The following ISG20 variants were observed in gnomAD, a reference collection of about 807,000 sequenced individuals.
ISG20 encodes the protein interferon-stimulated gene 20 kDa protein.
Under a neutral mutation model 11.1 loss-of-function variants are expected in ISG20, and 8 were observed. That is an observed-to-expected ratio of 0.72 (90% CI 0.42 to 1.30). ISG20 has a LOEUF of 1.30. Ranked by LOEUF, ISG20 falls within the 50% of genes most tolerant of loss-of-function variation. The pLI, the probability that ISG20 is intolerant of heterozygous loss-of-function variation, is 0.01. For missense variants in ISG20, 243 were observed against 250.2 expected (o/e 0.97, Z 0.19); for synonymous variants, 110 against 101.7 (o/e 1.08, Z -0.49).
intron 3 of ISG20, among the ~76,000 whole-genome samples, chr15:88,654,476 G>T (rs967243906): frequency 6.6e-5 from 10 of 152,206 alleles, no homozygotes; most frequent in African/African-American, 2.4e-4. Context: ...TGTGAGAACA[G>T]GAAGTCCTCT....
At chr15:88,644,049 T>G (rs2058126973) in intron 2 of ISG20, among the ~76,000 whole-genome samples, 1 of 152,154 alleles carries the variant, frequency 6.6e-6, no homozygotes, top group Non-Finnish European at 1.5e-5. Flanking sequence ...TACATCATCT[T>G]GGTTCTGGAA....
chr15:88,642,938 G>C (rs2058107270), intron 2 of ISG20, among the ~76,000 whole-genome samples: 1 of 149,510 alleles, frequency 6.7e-6, no homozygotes, highest in Non-Finnish European at 1.5e-5. Context: ...TTAAAAAAGA[G>C]ACAGGCCAGA....
At chr15:88,642,007 C>T (rs2058090348) in intron 2 of ISG20, among the ~76,000 whole-genome samples, 1 of 148,216 alleles carries the variant, frequency 6.7e-6, no homozygotes, top group South Asian at 2.1e-4. Flanking sequence ...GATCTCGGCT[C>T]ACTGCAATCT....
At chr15:88,645,517 C>T (rs755451976) in intron 2 of ISG20, among the ~76,000 whole-genome samples, 14 of 152,130 alleles carry the variant, frequency 9.2e-5, no homozygotes, top group Non-Finnish European at 1.8e-4. Context: ...CTCAGATCAT[C>T]GCCGCCTCCC....
At chr15:88,642,320 A>G (rs760603383) in intron 2 of ISG20, among the ~76,000 whole-genome samples, 9 of 152,300 alleles carry the variant, frequency 5.9e-5, no homozygotes, top group African/African-American at 1.9e-4. Context: ...AACTAATTCT[A>G]TCTGCAACGA....
At chr15:88,640,607 G>A (rs1263383490) in intron 2 of ISG20, among the ~76,000 whole-genome samples, 3 of 152,196 alleles carry the variant, frequency 2.0e-5, no homozygotes, top group African/African-American at 4.8e-5. Flanking sequence ...TAGCAACTTT[G>A]TTGGGTTATT....
chr15:88,639,478 C>G lies in ISG20; in HGVS notation c.112C>G (p.Leu38Val), dbSNP rs1188784352. The part of the protein sequence containing the change: ...CSLVNVHGAV[L>V]YDKFIRPEGE... ...CCTCGTGAACGTCCACGGTGCTGTG[C>G]TGTACGACAAGTTCATCCGGCCTGA... Residue 38 changes from leucine (L) to valine (V), a missense_variant, in exon 2 of 4, where the codon CTG (leucine) becomes GTG (valine). Physicochemically the swap from Leu to Val is conservative, Grantham distance 32. Coordinates refer to ENST00000306072, the MANE Select transcript of ISG20 (RefSeq NM_002201.6). This position sits in a 1 kb window ranked among gnomAD's most constrained non-coding sequence, Gnocchi z 4.2. The G allele has an allele frequency of 6.2e-7, 1 of 1,614,168 alleles. No homozygotes were observed. Among genetic ancestry groups the G allele is most frequent in the Non-Finnish European group, 8.5e-7 (1 of 1,180,016 alleles).
At chr15:88,651,052 C>T (rs747438186) in intron 2 of ISG20, 3 of 256,244 alleles carry the variant, frequency 1.2e-5, no homozygotes, top group African/African-American at 4.6e-5. Flanking sequence ...CGTGAGACAC[C>T]GTGCCTGGCT....
At chr15:88,654,893 C>T (rs902954515) in intron 3 of ISG20, among the ~76,000 whole-genome samples, 1 of 152,196 alleles carries the variant, frequency 6.6e-6, no homozygotes, top group Admixed American at 6.5e-5. Flanking sequence ...GCCCACCATC[C>T]GTCCCCACAC....
intron 2 of ISG20, among the ~76,000 whole-genome samples, chr15:88,644,558 A>G (rs1030817452): frequency 7.3e-5 from 11 of 151,606 alleles, no homozygotes; most frequent in East Asian, 1.9e-4. Flanking sequence ...GAAAAGACAA[A>G]AAAAAAAAGA....
chr15:88,652,339 CCCCCCTCCTCCCCCTCCT>C, intron 3 of ISG20, 29 bp downstream of exon 3: 2 of 1,333,086 alleles, frequency 1.5e-6, no homozygotes, highest in East Asian at 3.0e-5. Flanking sequence ...TTCTCCTCCT[CCCCCCTCCTCCCCCTCCT>C]CCCCCTCCTC....
intron 2 of ISG20, among the ~76,000 whole-genome samples, chr15:88,644,548 G>GA (rs2058137323): frequency 1.8e-5 from 2 of 109,640 alleles, no homozygotes; most frequent in African/African-American, 3.0e-5. Flanking sequence ...AAAAAAAAAA[G>GA]AAAAGACAAA....
intron 2 of ISG20, chr15:88,651,088 C>T (rs1280106342): frequency 1.6e-5 from 8 of 495,560 alleles, no homozygotes; most frequent in East Asian, 1.5e-4. Flanking sequence ...TATAGAATTG[C>T]GGTCCCAGAG....
Position 88,652,626 on chromosome 15 carries a change from G to T in ISG20, c.429+316G>T, listed in dbSNP as rs138078197. Among the ~76,000 whole-genome samples, 928 of 106,648 alleles carry T rather than the reference G, an allele frequency of 8.7e-3. 29 individuals carry two copies. The highest frequency in any genetic ancestry group is 0.033 in the African/African-American group (864 of 26,524). 70.0% of individuals were successfully genotyped at this position (106,648 alleles called of 152,430 possible). ...CCCTTCTTCCCCTTCCTCCTCCCCT[G>T]TCCCCTCCCTTTCCTCCTCCTCCCT... On this transcript the variant is annotated intron_variant, in intron 3 of 3. Transcript: ENST00000306072.
intron 3 of ISG20, among the ~76,000 whole-genome samples, chr15:88,653,440 TGCTGGCAAGA>T (rs1473993514): frequency 6.6e-6 from 1 of 152,066 alleles, no homozygotes; most frequent in Non-Finnish European, 1.5e-5. Flanking sequence ...GCCCCTAGCC[TGCTGGCAAGA>T]GCTGTAGGAA....
chr15:88,655,209 G>A (rs1379713746), intron 3 of ISG20, among the ~76,000 whole-genome samples: 1 of 152,242 alleles, frequency 6.6e-6, no homozygotes, highest in Non-Finnish European at 1.5e-5. Flanking sequence ...GCTGGCTTTC[G>A]TGCCACTGGC....
rs2141402162 is a variant in ISG20 at position 88,650,255 on chromosome 15, A to C, written c.229-1855A>C. On this transcript the variant is annotated intron_variant, in intron 2 of 3. Coordinates refer to ENST00000306072, the MANE Select transcript of ISG20 (RefSeq NM_002201.6). The surrounding 1 kb of genome is among the most constrained non-coding windows in gnomAD (Gnocchi z 4.0). ...TTCAGGTCCCCTTCCCATCCTCTCC[A>C]ACGGCAGCTGAGTGAAAGCAAGCTG... is the stretch of plus-strand genomic sequence containing the variant. 6.5e-7 allele frequency: 1 copy of C among 1,535,662 alleles called. No individual in the cohort carries two copies.
chr15:88,650,134 GAGA>G lies in ISG20; in HGVS notation c.229-1973_229-1971del. The G allele has an allele frequency of 5.2e-6, 5 of 963,082 alleles. No homozygotes were observed. Among genetic ancestry groups the G allele is most frequent in the South Asian group, 4.2e-5 (3 of 71,914 alleles). The allele number at this position is 963,082 out of a possible 1,614,324, so 59.7% of individuals were successfully genotyped here. A position where few individuals can be genotyped will look rare whatever the true frequency, so the allele number is the denominator to read the frequency against. The stretch of plus-strand genomic sequence containing the variant: ...AGGCTAAGGTCGTGGGCTACATGCA[GAGA>G]AGGAGACGAAGGCTGTCCTAGAGCT... On this transcript the variant is annotated intron_variant, in intron 2 of 3. Transcript: ENST00000306072. The surrounding 1 kb of genome is among the most constrained non-coding windows in gnomAD (Gnocchi z 4.0).
intron 2 of ISG20, among the ~76,000 whole-genome samples, chr15:88,644,222 G>T (rs1021078478): frequency 6.6e-6 from 1 of 152,162 alleles, no homozygotes; most frequent in Non-Finnish European, 1.5e-5. Flanking sequence ...ATAGATGGGA[G>T]CGAGAAAAGA....
Sources: allele counts gnomAD v4.1 joint callset (sites outside exome capture counted in the v4.1 genomes callset), GRCh38; gene constraint gnomAD v4.1.1; non-coding constraint Gnocchi (gnomAD v3.1); transcripts MANE v1.5; gene names NCBI Gene and HGNC (gene_info 2026-07-23, HGNC 2026-07-21).